ERG: variants seen among roughly 807,000 people sequenced by gnomAD.
ERG encodes the protein transcriptional regulator ERG.
ERG carries 9 observed loss-of-function variants against 55.3 expected under a neutral mutation model. That is an observed-to-expected ratio of 0.16 (90% confidence interval 0.10 to 0.28). The LOEUF is 0.28. ERG is among the 10% of genes least tolerant of loss of function. The pLI is 1.00. For missense variants in ERG, 434 were observed against 631.6 expected, an observed-to-expected ratio of 0.69 and a Z score of 3.35; for synonymous variants, 223 against 237.3, an observed-to-expected ratio of 0.94 and a Z score of 0.55.
At chr21:38,528,586 T>C in intron 2 of ERG, among the ~76,000 whole-genome samples, 1 of 91,178 alleles carries the variant, frequency 1.1e-5, no homozygotes, top group African/African-American at 3.7e-5. Flanking sequence ...TAGCTGGGAC[T>C]ACAGGCACCC....
chr21:38,369,326 G>A, the ERG span, among the ~76,000 whole-genome samples: 1 of 152,066 alleles, frequency 6.6e-6, no homozygotes. Context: ...GTGTTAGATG[G>A]TATCTTATTG....
intron 2 of ERG, among the ~76,000 whole-genome samples, chr21:38,552,846 G>A (rs376706116): frequency 2.0e-3 from 260 of 127,742 alleles, no homozygotes; most frequent in Non-Finnish European, 2.3e-3. Flanking sequence ...TCAAGCAAGA[G>A]AAAAAAAAAA....
intron 5 of ERG, 56 bp from the exon 6 acceptor site, chr21:38,400,701 T>A: frequency 7.4e-7 from 1 of 1,353,896 alleles, no homozygotes; most frequent in Non-Finnish European, 1.0e-6. Context: ...GTTGTCGATC[T>A]CAACATCAGC....
At chr21:38,411,876 T>C (rs895948053) in intron 3 of ERG, among the ~76,000 whole-genome samples, 1 of 152,212 alleles carries the variant, frequency 6.6e-6, no homozygotes, top group African/African-American at 2.4e-5. Context: ...GGCTATGTTA[T>C]TAGGTACATG....
intron 1 of ERG, among the ~76,000 whole-genome samples, chr21:38,593,543 G>A (rs368831482): frequency 6.4e-4 from 98 of 152,160 alleles, no homozygotes; most frequent in African/African-American, 2.1e-3. Context: ...ATTTTGTCTC[G>A]ATATAATTAC....
At chr21:38,431,840 C>T (rs548593102) in intron 2 of ERG, among the ~76,000 whole-genome samples, 76 of 152,276 alleles carry the variant, frequency 5.0e-4, no homozygotes, top group South Asian at 1.0e-3. Flanking sequence ...CATCCCGCAC[C>T]GTGCCAGGCG....
At chr21:38,499,115 C>T (rs931710870), upstream of ERG, among the ~76,000 whole-genome samples, 2 of 152,134 alleles carry the variant, frequency 1.3e-5, no homozygotes, top group African/African-American at 4.8e-5. Flanking sequence ...TTACAGTAAA[C>T]ACAAAAAATA....
intron 2 of ERG, among the ~76,000 whole-genome samples, chr21:38,535,110 C>T (rs1350075339): frequency 1.3e-5 from 2 of 151,934 alleles, no homozygotes; most frequent in Non-Finnish European, 2.9e-5. Flanking sequence ...GCTCTCCCAC[C>T]CCCACCATCC....
chr21:38,382,008 A>C lies in ERG; in HGVS notation c.*1395T>G. The C allele has an allele frequency of 9.4e-7, 1 of 1,060,950 alleles. No homozygotes were observed. The highest frequency in any genetic ancestry group is 1.1e-6 in the Non-Finnish European group (1 of 876,308). 65.7% of individuals were successfully genotyped at this position (1,060,950 alleles called of 1,614,324 possible). A position where few individuals can be genotyped will look rare whatever the true frequency, so the allele number is the denominator to read the frequency against. ...AACTTTAGTCACTAAAAAAAGTGCA[A>C]ATGCAGACTCCTGTATAAATCTGAT... On this transcript the variant is annotated 3_prime_UTR_variant, in exon 10 of 10. Transcript: ENST00000288319.
At chr21:38,521,261 G>A (rs1200294020) in intron 2 of ERG, among the ~76,000 whole-genome samples, 6 of 152,070 alleles carry the variant, frequency 3.9e-5, no homozygotes, top group Admixed American at 6.6e-5. Flanking sequence ...TACTACACAC[G>A]GAGCCAAGCC....
chr21:38,436,897 C>T (rs1480930158), intron 2 of ERG, among the ~76,000 whole-genome samples: 5 of 99,898 alleles, frequency 5.0e-5, no homozygotes, highest in Non-Finnish European at 1.0e-4. Context: ...TTTTCTTTCT[C>T]TCTTTTTTTT....
intron 1 of ERG, among the ~76,000 whole-genome samples, chr21:38,596,584 C>A (rs545452073): frequency 9.9e-5 from 15 of 152,232 alleles, no homozygotes; most frequent in African/African-American, 2.2e-4. Context: ...CTTGACAGAA[C>A]TAATCCTTCT....
At chr21:38,532,668 T>C (rs1195134074) in intron 2 of ERG, among the ~76,000 whole-genome samples, 1 of 152,146 alleles carries the variant, frequency 6.6e-6, no homozygotes, top group African/African-American at 2.4e-5. Flanking sequence ...TCCCCATCAT[T>C]TGCAATATTT....
intron 1 of ERG, among the ~76,000 whole-genome samples, chr21:38,653,689 C>A (rs116219212): frequency 6.6e-6 from 1 of 152,166 alleles, no homozygotes; most frequent in Non-Finnish European, 1.5e-5. Flanking sequence ...GGCTCCATAG[C>A]GGAATGTTCT....
intron 3 of ERG, among the ~76,000 whole-genome samples, chr21:38,406,509 T>G (rs1250313296): frequency 2.0e-5 from 3 of 152,208 alleles, no homozygotes; most frequent in Non-Finnish European, 4.4e-5. Flanking sequence ...TTACCTTTGG[T>G]TCTGTGCAGA....
chr21:38,508,816 G>A (rs1257373662), intron 2 of ERG, among the ~76,000 whole-genome samples: 2 of 152,182 alleles, frequency 1.3e-5, no homozygotes, highest in Non-Finnish European at 2.9e-5. Flanking sequence ...TTGAATCTGA[G>A]TTGGGCTGTG....
At chr21:38,466,979 C>T (rs1301782679) in intron 1 of ERG, among the ~76,000 whole-genome samples, 1 of 152,202 alleles carries the variant, frequency 6.6e-6, no homozygotes, top group Non-Finnish European at 1.5e-5. Flanking sequence ...GGGACTAGAG[C>T]TTGTTACTCT....
At position 38,403,624 on chromosome 21, in the gene ERG, C is replaced by T. The variant is rs781028984; in HGVS notation, c.474G>A (p.Leu158=). The change falls in exon 4 of 10, where the codon TTG becomes TTA. Residue 158 remains leucine, a synonymous_variant. Transcript: ENST00000288319. ...CCTTCCCATCGATGTTCTGGAATAA[C>T]AAGATGTTGACGTCTGGAAGGCCAT... The part of the protein sequence containing the change: ...KEYGLPDVNI[L]LFQNIDGKEL... 1 of 1,614,180 alleles carries T rather than the reference C, an allele frequency of 6.2e-7. No individual in the cohort carries two copies. The highest frequency in any genetic ancestry group is 1.7e-4 in the Middle Eastern group (1 of 6,060).
chr21:38,573,540 A>G (rs1298316790), intron 2 of ERG, among the ~76,000 whole-genome samples: 1 of 152,250 alleles, frequency 6.6e-6, no homozygotes, highest in African/African-American at 2.4e-5. Flanking sequence ...GTGGAGAGAA[A>G]CATACATCTG....
Sources: gnomAD v4.1 joint callset for allele counts (sites outside exome capture counted in the v4.1 genomes callset) on GRCh38, gnomAD v4.1.1 for gene constraint, MANE v1.5 for transcripts, NCBI Gene and HGNC (gene_info 2026-07-23, HGNC 2026-07-21) for gene names.